The following LAMA2 variants were observed in gnomAD, a reference collection of about 807,000 sequenced individuals.
LAMA2 encodes laminin subunit alpha 2.
A neutral mutation model predicts 364.8 loss-of-function variants in LAMA2; 269 were observed. The observed-to-expected ratio is 0.74, with a 90% CI of 0.67 to 0.82. The LOEUF is 0.82. LAMA2 is among the 40% of genes least tolerant of loss of function. LAMA2 has a pLI of 0.00. For synonymous variants in LAMA2, 1,379 were observed against 1,370.6 expected, an observed-to-expected ratio of 1.01 and a Z score of -0.14; for missense variants, 3,807 against 3,873.2, an observed-to-expected ratio of 0.98 and a Z score of 0.45.
chr6:129,200,687 A>G (rs1362994422), intron 12 of LAMA2, among the ~76,000 whole-genome samples: 1 of 152,090 alleles, frequency 6.6e-6, no homozygotes, highest in Non-Finnish European at 1.5e-5. Context: ...GACTTACTTT[A>G]AAAGATATAA....
intron 4 of LAMA2, among the ~76,000 whole-genome samples, chr6:129,139,779 A>G (rs905378635): frequency 6.6e-6 from 1 of 152,100 alleles, no homozygotes; most frequent in East Asian, 1.9e-4. Context: ...TTCTTTGTCC[A>G]TATCTGTACA....
chr6:129,091,714 A>G (rs1774842332), intron 3 of LAMA2, among the ~76,000 whole-genome samples: 1 of 152,266 alleles, frequency 6.6e-6, no homozygotes, highest in African/African-American at 2.4e-5. Context: ...ACTCCCCACC[A>G]CATTATTCTA....
chr6:129,244,582 T>A (rs1785618800), intron 12 of LAMA2, among the ~76,000 whole-genome samples: 1 of 152,138 alleles, frequency 6.6e-6, no homozygotes, highest in African/African-American at 2.4e-5. Context: ...CTCCATTTAG[T>A]GAAATAACAG....
intron 34 of LAMA2, among the ~76,000 whole-genome samples, chr6:129,380,202 G>A (rs73591249): frequency 0.022 from 3,359 of 152,216 alleles, 124 homozygotes; most frequent in African/African-American, 0.077. Context: ...ATTGAATCTC[G>A]AAAGCTGGAT....
chr6:129,207,577 A>G (rs1479701017), intron 12 of LAMA2, among the ~76,000 whole-genome samples: 2 of 152,116 alleles, frequency 1.3e-5, no homozygotes, highest in East Asian at 3.8e-4. Context: ...ACAAGTGTAA[A>G]TAGTTTTGTT....
chr6:129,026,720 A>T (rs937355862), intron 1 of LAMA2, among the ~76,000 whole-genome samples: 1 of 152,210 alleles, frequency 6.6e-6, no homozygotes, highest in Non-Finnish European at 1.5e-5. Flanking sequence ...TTCCTGTCAG[A>T]TTCCAGCAGA....
At chr6:129,411,656 T>A (rs187766261) in intron 40 of LAMA2, among the ~76,000 whole-genome samples, 252 of 152,136 alleles carry the variant, frequency 1.7e-3, no homozygotes, top group South Asian at 2.7e-3. Flanking sequence ...TTTACTCTTA[T>A]GTGACAGATC....
intron 1 of LAMA2, among the ~76,000 whole-genome samples, chr6:128,962,172 A>ATATG (rs1781569139): frequency 7.8e-6 from 1 of 127,436 alleles, no homozygotes; most frequent in Non-Finnish European, 1.6e-5. Flanking sequence ...ATATATATAT[A>ATATG]TATATATATA....
At chr6:129,388,519 C>A (rs1184857387) in intron 35 of LAMA2, among the ~76,000 whole-genome samples, 1 of 152,054 alleles carries the variant, frequency 6.6e-6, no homozygotes, top group Non-Finnish European at 1.5e-5. Context: ...CTTTTTCCAC[C>A]AGATTCTTCT....
In LAMA2 at chr6:128,971,135, T is replaced by C. The variant is rs145170154; in HGVS notation, c.113-78783T>C. Among the ~76,000 whole-genome samples the C allele has an allele frequency of 7.1e-3, 1,079 of 152,320 alleles. 14 individuals carry two copies. Among genetic ancestry groups the C allele is most frequent in the African/African-American group, 0.024 (1,016 of 41,578 alleles). On this transcript the variant is annotated intron_variant, in intron 1 of 64. Transcript: ENST00000421865. ...TCCTGTGCCTGGTACCTGAAAGACC[T>C]AGTGAAGACTGAAAGAAAAGTTTTT... is the stretch of plus-strand genomic sequence containing the variant.
intron 3 of LAMA2, among the ~76,000 whole-genome samples, chr6:129,068,127 T>C (rs1773059496): frequency 1.3e-5 from 2 of 152,238 alleles, no homozygotes; most frequent in African/African-American, 4.8e-5. Flanking sequence ...AATGTGTTTG[T>C]ATTAAGTTAA....
intron 32 of LAMA2, among the ~76,000 whole-genome samples, chr6:129,353,958 A>G (rs1777012222): frequency 6.6e-6 from 1 of 152,214 alleles, no homozygotes; most frequent in African/African-American, 2.4e-5. Flanking sequence ...TGGATTCGCT[A>G]GTGCCATATT....
rs12208190 is a variant in LAMA2 at position 129,123,175 on chromosome 6, G to A, written c.640-20726G>A. ...CCAAAAATTAGCCAGGCATAGTGGT[G>A]CACGTCTGTAATCCCAGCTACTTGG... On this transcript the variant is annotated intron_variant, in intron 4 of 64. Transcript: ENST00000421865. Among the ~76,000 whole-genome samples, 916 of 151,786 alleles carry A rather than the reference G, an allele frequency of 6.0e-3. 9 individuals are homozygous for A. Among genetic ancestry groups the A allele is most frequent in the African/African-American group, 0.021 (877 of 41,346 alleles).
Position 129,445,835 on chromosome 6 carries a change from A to T in LAMA2, c.6429+14A>T. The T allele has an allele frequency of 1.2e-6, 2 of 1,604,790 alleles. No individual in the cohort carries two copies. The highest frequency in any genetic ancestry group is 1.1e-5 in the South Asian group (1 of 90,884). On this transcript the variant is annotated intron_variant, in intron 45 of 64. Coordinates refer to ENST00000421865, the MANE Select transcript of LAMA2 (RefSeq NM_000426.4). The stretch of plus-strand genomic sequence containing the variant: ...CAAGCCAATTCTGTAAGTTCTTTTT[A>T]TCGTCAGTATCAGTAACTGATTGTA...
rs77213877 is a variant in LAMA2 at position 129,085,044 on chromosome 6, C to G, written c.397-13129C>G. Among the ~76,000 whole-genome samples the G allele has an allele frequency of 0.012, 1,834 of 152,102 alleles. 112 individuals carry two copies. In the East Asian group the frequency reaches 0.19, roughly 16 times the overall value. On this transcript the variant is annotated intron_variant, in intron 3 of 64. Transcript: ENST00000421865. ...AAGTAATTGTAGTCAGACAGACTGC[C>G]CAGGAAGCCCCATGGACTCAGTTTT...
chr6:129,285,371 G>GA (rs750304780), intron 18 of LAMA2, among the ~76,000 whole-genome samples: 5 of 151,998 alleles, frequency 3.3e-5, no homozygotes, highest in Non-Finnish European at 5.9e-5. Context: ...CGTCCTGCAA[G>GA]AAAAAATAAA....
intron 7 of LAMA2, among the ~76,000 whole-genome samples, chr6:129,152,734 C>G (rs1383662600): frequency 6.6e-6 from 1 of 152,070 alleles, no homozygotes; most frequent in Non-Finnish European, 1.5e-5. Context: ...CCTTGTCCTC[C>G]CAGTATGTGT....
chr6:128,931,259 A>C (rs1779456599), intron 1 of LAMA2, among the ~76,000 whole-genome samples: 1 of 152,184 alleles, frequency 6.6e-6, no homozygotes, highest in Admixed American at 6.5e-5. Flanking sequence ...AAATAAATGA[A>C]TTCCCAAATG....
chr6:129,072,103 C>T (rs559604585), intron 3 of LAMA2, among the ~76,000 whole-genome samples: 7 of 152,050 alleles, frequency 4.6e-5, no homozygotes, highest in Non-Finnish European at 1.0e-4. Flanking sequence ...GCCGAGATTA[C>T]GCCACTGCAC....
Sources: gnomAD v4.1 joint callset for allele counts (sites outside exome capture counted in the v4.1 genomes callset) on GRCh38, gnomAD v4.1.1 for gene constraint, MANE v1.5 for transcripts, NCBI Gene and HGNC (gene_info 2026-07-23, HGNC 2026-07-21) for gene names.